Variants in PKIA observed in about 807,000 individuals in gnomAD.
PKIA encodes PKI-alpha.
PKIA carries 4 observed loss-of-function variants against 7.6 expected under a neutral mutation model. That is an observed-to-expected ratio of 0.52 (90% CI 0.26 to 1.20). The LOEUF is 1.20. Ranked by LOEUF, PKIA falls within the 50% of genes most tolerant of loss-of-function variation. The pLI, the probability that PKIA is intolerant of heterozygous loss-of-function variation, is 0.13. For synonymous variants in PKIA, 21 were observed against 30.7 expected, an observed-to-expected ratio of 0.68 and a Z score of 1.04; for missense variants, 73 against 86.2, an observed-to-expected ratio of 0.85 and a Z score of 0.61.
chr8:78,530,362 T>A (rs1246595794), intron 1 of PKIA, among the ~76,000 whole-genome samples: 1 of 152,034 alleles, frequency 6.6e-6, no homozygotes, highest in East Asian at 1.9e-4. Context: ...CTGGTATGTT[T>A]AAGAGTTAAG....
intron 1 of PKIA, among the ~76,000 whole-genome samples, chr8:78,529,714 T>C (rs1806347759): frequency 6.6e-6 from 1 of 152,000 alleles, no homozygotes; most frequent in Non-Finnish European, 1.5e-5. Flanking sequence ...TACTATTAAA[T>C]AAGATTCTTA....
intron 1 of PKIA, among the ~76,000 whole-genome samples, chr8:78,562,384 T>TAAC (rs1188395751): frequency 6.6e-6 from 1 of 152,180 alleles, no homozygotes; most frequent in African/African-American, 2.4e-5. Flanking sequence ...GTAATCTCTT[T>TAAC]AAAACCACAA....
chr8:78,537,718 T>G (rs1374303341), intron 1 of PKIA, among the ~76,000 whole-genome samples: 1 of 151,508 alleles, frequency 6.6e-6, no homozygotes, highest in Non-Finnish European at 1.5e-5. Flanking sequence ...TAAATACTTC[T>G]AGAATGAAAG....
intron 2 of PKIA, among the ~76,000 whole-genome samples, chr8:78,582,099 C>T (rs1182731005): frequency 1.3e-5 from 2 of 151,472 alleles, no homozygotes; most frequent in African/African-American, 2.4e-5. Context: ...AAGCTGTTTA[C>T]AATGGTAGTG....
intron 1 of PKIA, among the ~76,000 whole-genome samples, chr8:78,545,440 T>C (rs1806796547): frequency 6.6e-6 from 1 of 152,134 alleles, no homozygotes; most frequent in Non-Finnish European, 1.5e-5. Context: ...ATAGTTCTGA[T>C]ATAGTGTGGG....
At chr8:78,526,759 CTG>C (rs1188223865) in intron 1 of PKIA, among the ~76,000 whole-genome samples, 1 of 150,624 alleles carries the variant, frequency 6.6e-6, no homozygotes, top group Non-Finnish European at 1.5e-5. Context: ...AATAGCAAAA[CTG>C]TTAAACAAAA....
At chr8:78,537,377 GCT>G (rs1000591379) in intron 1 of PKIA, among the ~76,000 whole-genome samples, 2 of 151,708 alleles carry the variant, frequency 1.3e-5, no homozygotes, top group Admixed American at 6.6e-5. Flanking sequence ...TCCAATACTT[GCT>G]CTCTATTGTC....
At chr8:78,572,002 G>T (rs755765047) in intron 1 of PKIA, among the ~76,000 whole-genome samples, 1 of 151,958 alleles carries the variant, frequency 6.6e-6, no homozygotes, top group Non-Finnish European at 1.5e-5. Context: ...CATAAATGAT[G>T]AATGATAGTA....
intron 1 of PKIA, among the ~76,000 whole-genome samples, chr8:78,551,877 T>C (rs960353571): frequency 1.3e-5 from 2 of 152,032 alleles, no homozygotes; most frequent in African/African-American, 4.8e-5. Context: ...GAAAGACGTT[T>C]AAGGGAACAA....
intron 1 of PKIA, among the ~76,000 whole-genome samples, chr8:78,523,831 G>T: frequency 6.9e-6 from 1 of 145,232 alleles, no homozygotes; most frequent in Admixed American, 7.0e-5. Context: ...GAGTAACTAT[G>T]GTAATATATT....
chr8:78,569,124 G>A (rs1255466384), intron 1 of PKIA, among the ~76,000 whole-genome samples: 1 of 152,194 alleles, frequency 6.6e-6, no homozygotes, highest in Admixed American at 6.5e-5. Context: ...GATGTTGCAA[G>A]TTGGGTATAG....
intron 2 of PKIA, among the ~76,000 whole-genome samples, chr8:78,582,031 C>A (rs1376456173): frequency 1.3e-5 from 2 of 151,950 alleles, no homozygotes; most frequent in Non-Finnish European, 1.5e-5. Flanking sequence ...AAATTATGAA[C>A]AAAAGACAAG....
intron 1 of PKIA, among the ~76,000 whole-genome samples, chr8:78,521,241 T>C (rs1809410838): frequency 1.3e-5 from 2 of 152,140 alleles, no homozygotes; most frequent in Admixed American, 1.3e-4. Flanking sequence ...GATGGACTTA[T>C]TAACTGTCTC....
intron 2 of PKIA, among the ~76,000 whole-genome samples, chr8:78,585,621 A>G (rs1807933716): frequency 6.6e-6 from 1 of 152,188 alleles, no homozygotes; most frequent in Non-Finnish European, 1.5e-5. Context: ...GATATTATAA[A>G]TTGGCAGTGA....
chr8:78,528,879 G>C (rs950135376), intron 1 of PKIA, among the ~76,000 whole-genome samples: 3 of 151,586 alleles, frequency 2.0e-5, no homozygotes, highest in South Asian at 4.2e-4. Context: ...TTTTTATTAA[G>C]TGTTATATAC....
chr8:78,601,896 A>C lies in PKIA; in HGVS notation c.*75A>C, dbSNP rs1313056267. On this transcript the variant is annotated 3_prime_UTR_variant, in exon 4 of 4. Transcript: ENST00000396418. Reference sequence around the variant, plus strand: ...GAGTATCTGGAATGCATTTGTTTCCATGAGTGAAAAGAGGAAAAAGAAAAT... The same window carrying C: ...GAGTATCTGGAATGCATTTGTTTCCCTGAGTGAAAAGAGGAAAAAGAAAAT... 8.6e-7 allele frequency: 1 copy of C among 1,166,100 alleles called. No homozygotes were observed. Among genetic ancestry groups the C allele is most frequent in the African/African-American group, 1.5e-5 (1 of 65,124 alleles). The allele number at this position is 1,166,100 out of a possible 1,614,324, so 72.2% of individuals were successfully genotyped here. A position where few individuals can be genotyped will look rare whatever the true frequency, so the allele number is the denominator to read the frequency against.
At chr8:78,581,463 G>A (rs969204487) in intron 2 of PKIA, among the ~76,000 whole-genome samples, 2 of 152,014 alleles carry the variant, frequency 1.3e-5, no homozygotes, top group Non-Finnish European at 2.9e-5. Flanking sequence ...AGAAGACTGG[G>A]TGGCACCTTT....
chr8:78,530,418 C>A lies in PKIA; in HGVS notation c.-157+13950C>A, dbSNP rs77743907. ...TGGTCTGCTTCTAGTTATAAATTCA[C>A]TTACAAACCTCACTGGATCCTGAAC... On this transcript the variant is annotated intron_variant, in intron 1 of 3. Coordinates refer to ENST00000396418, the MANE Select transcript of PKIA (RefSeq NM_006823.4). 1.1e-4 allele frequency among the ~76,000 whole-genome samples: 17 copies of A among 152,122 alleles called. No homozygotes were observed. In the East Asian group the frequency reaches 2.9e-3, roughly 26 times the overall value.
chr8:78,577,080 AG>A (rs1807691327), intron 2 of PKIA, among the ~76,000 whole-genome samples: 2 of 152,056 alleles, frequency 1.3e-5, no homozygotes, highest in Non-Finnish European at 2.9e-5. Context: ...CTAATTCAAA[AG>A]GAGAAAATCA....
Sources: gnomAD v4.1 joint callset for allele counts (sites outside exome capture counted in the v4.1 genomes callset) on GRCh38, gnomAD v4.1.1 for gene constraint, MANE v1.5 for transcripts, NCBI Gene and HGNC (gene_info 2026-07-23, HGNC 2026-07-21) for gene names.